MYH15: variants seen among roughly 807,000 people sequenced by gnomAD.
MYH15 encodes the protein myosin-15.
A neutral mutation model predicts 240.5 loss-of-function variants in MYH15; 227 were observed. The ratio of observed to expected loss-of-function variants is 0.94; its 90% CI spans 0.85 to 1.05. The LOEUF (loss-of-function observed/expected upper bound fraction) is 1.05, where lower values mean the gene tolerates loss of function less well. Ranked by LOEUF, MYH15 falls within the 50% of genes least tolerant of loss-of-function variation. The pLI, the probability that MYH15 is intolerant of heterozygous loss-of-function variation, is 0.00. For missense variants in MYH15, 2,217 were observed against 2,247.5 expected (o/e 0.99, Z 0.27); for synonymous variants, 785 against 796.7 (o/e 0.99, Z 0.25).
In MYH15 at chr3:108,460,376, AAAAAAAAAAG is replaced by A; in HGVS notation, c.1865-19_1865-10del. ...CTCCCCAAATGGTATAGCTAGCAAA[AAAAAAAAAAG>A]AAAAAGATGAAAACATGTAAAAAGC... On this transcript the variant is annotated splice_polypyrimidine_tract_variant and intron_variant, in intron 16 of 40. Coordinates refer to ENST00000693548, the MANE Select transcript of MYH15 (RefSeq NM_014981.3). 6.4e-7 allele frequency: 1 copy of A among 1,552,214 alleles called. No individual in the cohort carries two copies. Among genetic ancestry groups the A allele is most frequent in the Non-Finnish European group, 8.7e-7 (1 of 1,149,836 alleles).
intron 25 of MYH15, among the ~76,000 whole-genome samples, chr3:108,434,196 T>TG (rs2082809911): frequency 6.7e-6 from 1 of 149,856 alleles, no homozygotes; most frequent in South Asian, 2.1e-4. Context: ...AATGGTTTTT[T>TG]TTTTTTTTTG....
Position 108,460,414 on chromosome 3 carries a change from A to C in MYH15, c.1865-47T>G, listed in dbSNP as rs1345982863. 10 of 1,467,744 alleles carry C rather than the reference A, an allele frequency of 6.8e-6. No homozygotes were observed. The Admixed American group carries it at 2.0e-4, about 29-fold the overall frequency. 90.9% of individuals were successfully genotyped at this position (1,467,744 alleles called of 1,614,324 possible). On this transcript the variant is annotated intron_variant, in intron 16 of 40. Coordinates refer to ENST00000693548, the MANE Select transcript of MYH15 (RefSeq NM_014981.3). ...AAAGATGAAAACATGTAAAAAGCTCATTTTTATCACATTATCCTACCCCAC... is the reference window on the plus strand; with the variant it reads ...AAAGATGAAAACATGTAAAAAGCTCCTTTTTATCACATTATCCTACCCCAC...
At chr3:108,541,914 G>A in the MYH15 span, among the ~76,000 whole-genome samples, 3 of 152,024 alleles carry the variant, frequency 2.0e-5, no homozygotes, top group Non-Finnish European at 2.9e-5. Flanking sequence ...TTGCATTTCT[G>A]TAGCCCACCA....
chr3:108,383,557 G>T, intron 40 of MYH15, 38 bp downstream of exon 40: 1 of 1,602,326 alleles, frequency 6.2e-7, no homozygotes, highest in South Asian at 1.1e-5. Context: ...AAACAAACAT[G>T]ATTAAAGAGT....
rs371742031 is a variant in MYH15, at chr3:108,437,657, A to T, written c.3118T>A (p.Cys1040Ser). ...TCCAGTTTGTGCAGTTCCCTTTCACAGTTCATTCTCGCTTTTCTCTCCTGC... is the reference window on the plus strand; with the variant it reads ...TCCAGTTTGTGCAGTTCCCTTTCACTGTTCATTCTCGCTTTTCTCTCCTGC... The part of the protein sequence containing the change: ...LEQERKARMN[C>S]ERELHKLEGN... Residue 1040 changes from cysteine to serine, a missense_variant, in exon 25 of 41, where the codon TGT (cysteine) becomes AGT (serine). Coordinates refer to ENST00000693548, the MANE Select transcript of MYH15 (RefSeq NM_014981.3). 12 of 1,613,986 alleles carry T rather than the reference A, an allele frequency of 7.4e-6. No individual in the cohort carries two copies. In the African/African-American group the frequency reaches 1.1e-4, roughly 14 times the overall value.
intron 37 of MYH15, 139 bp from the exon 38 acceptor site, chr3:108,389,213 T>C: frequency 4.8e-6 from 3 of 631,482 alleles, no homozygotes; most frequent in Non-Finnish European, 8.1e-6. Context: ...AACAGGACAG[T>C]GTCTCTGGGA....
chr3:108,427,617 A>AACACAC (rs150751928), intron 27 of MYH15, among the ~76,000 whole-genome samples: 37 of 122,974 alleles, frequency 3.0e-4, no homozygotes, highest in African/African-American at 7.1e-4. Flanking sequence ...ACACACACAC[A>AACACAC]ACACACACAC....
At chr3:108,463,770 C>G (rs1324174033) in intron 15 of MYH15, among the ~76,000 whole-genome samples, 1 of 151,348 alleles carries the variant, frequency 6.6e-6, no homozygotes, top group African/African-American at 2.4e-5. Context: ...TTAACATTGT[C>G]AAAAGAAAGG....
At chr3:108,531,728 G>A (rs1046450886), upstream of MYH15, among the ~76,000 whole-genome samples, 2 of 151,854 alleles carry the variant, frequency 1.3e-5, no homozygotes, top group Non-Finnish European at 2.9e-5. Flanking sequence ...AGTGAGACGA[G>A]ATCGCACCAC....
intron 22 of MYH15, 38 bp from the exon 23 acceptor site, chr3:108,441,298 A>T (rs1281686599): frequency 1.2e-6 from 2 of 1,609,340 alleles, no homozygotes; most frequent in Admixed American, 3.3e-5. Context: ...CAACAGCTGG[A>T]AGTAATTTAT....
intron 34 of MYH15, 59 bp from the exon 35 acceptor site, chr3:108,398,899 C>T (rs1236297886): frequency 1.3e-5 from 20 of 1,525,356 alleles, no homozygotes; most frequent in Non-Finnish European, 1.8e-5. Flanking sequence ...ATAGACTATG[C>T]ACCTACACAT....
chr3:108,457,337 A>C (rs1407826289), intron 18 of MYH15, among the ~76,000 whole-genome samples: 2 of 152,188 alleles, frequency 1.3e-5, no homozygotes, highest in Non-Finnish European at 2.9e-5. Context: ...AGATAGACAC[A>C]ACCACAACAT....
chr3:108,475,681 T>C (rs2083214021), intron 12 of MYH15, among the ~76,000 whole-genome samples: 1 of 152,208 alleles, frequency 6.6e-6, no homozygotes, highest in African/African-American at 2.4e-5. Context: ...AAATATTTTG[T>C]TGTCACTGAG....
At chr3:108,407,953 T>C (rs1254561044) in intron 32 of MYH15, among the ~76,000 whole-genome samples, 1 of 152,178 alleles carries the variant, frequency 6.6e-6, no homozygotes. Flanking sequence ...CCAAGCGATG[T>C]CCATGGGCCA....
At chr3:108,483,840 A>T (rs1039347063) in intron 11 of MYH15, among the ~76,000 whole-genome samples, 3 of 152,236 alleles carry the variant, frequency 2.0e-5, no homozygotes, top group Admixed American at 6.5e-5. Context: ...GCCAGTTACA[A>T]AAGGTCAAAT....
At chr3:108,432,652 T>C (rs1326168001) in intron 25 of MYH15, among the ~76,000 whole-genome samples, 1 of 152,164 alleles carries the variant, frequency 6.6e-6, no homozygotes, top group African/African-American at 2.4e-5. Flanking sequence ...GCCTAGGGAC[T>C]TGGTGCCCTG....
At chr3:108,535,650 C>G in the MYH15 span, among the ~76,000 whole-genome samples, 1 of 152,116 alleles carries the variant, frequency 6.6e-6, no homozygotes, top group African/African-American at 2.4e-5. Context: ...ATTTGAGAAC[C>G]ACTAAGGAGA....
chr3:108,496,607 T>C (rs2083392591), intron 6 of MYH15, among the ~76,000 whole-genome samples: 1 of 152,160 alleles, frequency 6.6e-6, no homozygotes, highest in Non-Finnish European at 1.5e-5. Context: ...ACTTATATAG[T>C]ATACTGTACT....
At chr3:108,439,215 G>A (rs933080865) in intron 24 of MYH15, among the ~76,000 whole-genome samples, 1 of 152,142 alleles carries the variant, frequency 6.6e-6, no homozygotes, top group Non-Finnish European at 1.5e-5. Flanking sequence ...TATTTCACAG[G>A]GCATTTAGAG....
Sources: gnomAD v4.1 joint callset for allele counts (sites outside exome capture counted in the v4.1 genomes callset) on GRCh38, gnomAD v4.1.1 for gene constraint, MANE v1.5 for transcripts, NCBI Gene and HGNC (gene_info 2026-07-23, HGNC 2026-07-21) for gene names.